Variants in AGO2 observed in about 807,000 individuals in gnomAD.
AGO2 encodes argonaute RISC catalytic component 2, also known as protein argonaute-2.
In AGO2, 5 loss-of-function variants were observed where a neutral mutation model predicts 102.3. The observed-to-expected ratio is 0.05, with a 90% CI of 0.03 to 0.10. The LOEUF (loss-of-function observed/expected upper bound fraction) is 0.10. Among genes scored for constraint, AGO2 ranks in the 10% least tolerant of loss-of-function variants. The pLI is 1.00. For missense variants in AGO2, 541 were observed against 1,183.7 expected (o/e 0.46, Z 7.97); for synonymous variants, 449 against 473.1 (o/e 0.95, Z 0.66).
intron 16 of AGO2, among the ~76,000 whole-genome samples, chr8:140,536,484 G>A (rs1394664601): frequency 2.6e-5 from 4 of 151,758 alleles, no homozygotes; most frequent in East Asian, 1.9e-4. Context: ...GTGCCACCAC[G>A]GCCGGCTAAT....
intron 4 of AGO2, among the ~76,000 whole-genome samples, chr8:140,561,060 T>C (rs2073192717): frequency 6.6e-6 from 1 of 152,118 alleles, no homozygotes; most frequent in African/African-American, 2.4e-5. Context: ...CGCTGTGGGC[T>C]CCCCCGTAGG....
chr8:140,559,753 G>C (rs1028566380), intron 5 of AGO2, among the ~76,000 whole-genome samples: 1 of 152,206 alleles, frequency 6.6e-6, no homozygotes, highest in Non-Finnish European at 1.5e-5. Flanking sequence ...TGACAGAAAG[G>C]AGCTGGCTGA....
intron 2 of AGO2, 99 bp downstream of exon 2, chr8:140,585,020 C>G: frequency 8.1e-7 from 1 of 1,234,582 alleles, no homozygotes; most frequent in Non-Finnish European, 1.1e-6. Context: ...TGGAAAAAAC[C>G]CAGATGGATC....
chr8:140,544,332 C>T (rs769873367), intron 13 of AGO2, 29 bp from the exon 14 acceptor site: 71 of 1,579,648 alleles, frequency 4.5e-5, no homozygotes, highest in Admixed American at 1.6e-4. Context: ...TCAGGGGCCA[C>T]GGTGAGACAC....
At chr8:140,551,540 T>G (rs1170071804) in intron 10 of AGO2, 104 bp from the exon 11 acceptor site, 1 of 1,301,240 alleles carries the variant, frequency 7.7e-7, no homozygotes, top group African/African-American at 1.5e-5. Context: ...CAACAACTGC[T>G]TCTCAGGGAA....
chr8:140,564,143 A>G (rs916803008), intron 3 of AGO2, among the ~76,000 whole-genome samples: 1 of 152,228 alleles, frequency 6.6e-6, no homozygotes, highest in Non-Finnish European at 1.5e-5. Flanking sequence ...CAAACATCGA[A>G]TAGCAAGAAA....
chr8:140,614,623 G>A lies in AGO2; in HGVS notation c.22+20862C>T, dbSNP rs1031952213. ...CCACACTCTACTAAGGCGTCCTTCCGGGCCTGGGGTCCAACAACCAGACCA... is the reference window on the plus strand; with the variant it reads ...CCACACTCTACTAAGGCGTCCTTCCAGGCCTGGGGTCCAACAACCAGACCA... On this transcript the variant is annotated intron_variant, in intron 1 of 18. Transcript: ENST00000220592. Among the ~76,000 whole-genome samples, 10 of 152,170 alleles carry A rather than the reference G, an allele frequency of 6.6e-5. No individual in the cohort carries two copies. The East Asian group carries it at 1.5e-3, about 23-fold the overall frequency.
rs2073308666 is a variant in AGO2, at chr8:140,567,625, G to T, written c.337-4991C>A. On this transcript the variant is annotated intron_variant, in intron 3 of 18. Coordinates refer to ENST00000220592, the MANE Select transcript of AGO2 (RefSeq NM_012154.5). This position sits in a 1 kb window ranked among gnomAD's most constrained non-coding sequence, Gnocchi z 5.0. ...GCCCAACTGCCATTTTCTGAACATG[G>T]ATAATAGAAAATGTCAGCCCAGGAC... is the stretch of plus-strand genomic sequence containing the variant. Among the ~76,000 whole-genome samples, 1 of 152,214 alleles carries T rather than the reference G, an allele frequency of 6.6e-6. No homozygotes were observed. Among genetic ancestry groups the T allele is most frequent in the Admixed American group, 6.5e-5 (1 of 15,280 alleles).
At position 140,530,432 on chromosome 8, in the gene AGO2, G is replaced by T. The variant is rs776320297; in HGVS notation, c.*1612C>A. On this transcript the variant is annotated 3_prime_UTR_variant, in exon 19 of 19. Transcript: ENST00000220592. ...AGCAGGAAGAGGGGACCTACGGAGC[G>T]CACAGCAGCACTAGGGGAGGCTCGC... 1 of 152,452 alleles carries T rather than the reference G, an allele frequency of 6.6e-6. No individual in the cohort carries two copies. Among genetic ancestry groups the T allele is most frequent in the Admixed American group, 6.5e-5 (1 of 15,296 alleles). The allele number at this position is 152,452 out of a possible 1,614,324, so 9.4% of individuals were successfully genotyped here.
intron 5 of AGO2, 53 bp from the exon 6 acceptor site, chr8:140,559,582 C>T (rs375456667): frequency 6.2e-5 from 100 of 1,607,138 alleles, no homozygotes; most frequent in South Asian, 5.3e-4. Flanking sequence ...GGCTGCTGGA[C>T]GGGCCCATAG....
chr8:140,605,308 G>A (rs2073983598), intron 1 of AGO2, among the ~76,000 whole-genome samples: 2 of 152,280 alleles, frequency 1.3e-5, no homozygotes, highest in Non-Finnish European at 1.5e-5. Flanking sequence ...TGTTGCCCAG[G>A]CTGGACTTGA....
chr8:140,607,479 TATATATATATATATATATATA>T (rs1355930277), intron 1 of AGO2, among the ~76,000 whole-genome samples: 1 of 22,660 alleles, frequency 4.4e-5, no homozygotes, highest in African/African-American at 2.5e-4. Flanking sequence ...TATATATATA[TATATATATATATATATATATA>T]TATATATATA....
Position 140,542,111 on chromosome 8 carries a change from G to A in AGO2, c.1840-753C>T, listed in dbSNP as rs571980713. Among the ~76,000 whole-genome samples the A allele has an allele frequency of 1.6e-4, 24 of 152,284 alleles. No homozygotes were observed. The South Asian group carries it at 2.3e-3, about 14-fold the overall frequency. On this transcript the variant is annotated intron_variant, in intron 14 of 18. Transcript: ENST00000220592. ...GAAGGTGCCAGCCATGAAGAGGGCA[G>A]ACAGAGAGAGCCTAGCACGGCTCTG... is the stretch of plus-strand genomic sequence containing the variant.
Position 140,539,294 on chromosome 8 carries a change from C to T in AGO2, c.2169+26G>A, listed in dbSNP as rs1462000001. 4 of 1,583,678 alleles carry T rather than the reference C, an allele frequency of 2.5e-6. No individual in the cohort carries two copies. Among genetic ancestry groups the T allele is most frequent in the Admixed American group, 1.8e-5 (1 of 56,846 alleles). On this transcript the variant is annotated intron_variant, in intron 16 of 18. Coordinates refer to ENST00000220592, the MANE Select transcript of AGO2 (RefSeq NM_012154.5). The surrounding 1 kb of genome is among the most constrained non-coding windows in gnomAD (Gnocchi z 4.7). ...GGGGCTGAGGGGAGAACCGTGCCCC[C>T]TGCCTGGAGTCATGCAGAAACTCAC...
Position 140,568,103 on chromosome 8 carries a change from CAAAAAAAAAA to C in AGO2, c.336+4699_336+4708del, listed in dbSNP as rs553804959. Among the ~76,000 whole-genome samples the C allele has an allele frequency of 4.0e-3, 438 of 110,652 alleles. 5 individuals carry two copies. Among genetic ancestry groups the C allele is most frequent in the African/African-American group, 0.015 (423 of 27,950 alleles). The allele number at this position is 110,652 out of a possible 152,430, so 72.6% of individuals were successfully genotyped here. A position where few individuals can be genotyped will look rare whatever the true frequency, so the allele number is the denominator to read the frequency against. On this transcript the variant is annotated intron_variant, in intron 3 of 18. Coordinates refer to ENST00000220592, the MANE Select transcript of AGO2 (RefSeq NM_012154.5). ...TAAAACCCCGTCTCTACTAAAAATA[CAAAAAAAAAA>C]AAAAAAAAAAAGAAAAGAAAATTAG...
intron 10 of AGO2, among the ~76,000 whole-genome samples, chr8:140,554,744 T>C (rs1486892014): frequency 6.6e-6 from 1 of 152,162 alleles, no homozygotes; most frequent in Non-Finnish European, 1.5e-5. Flanking sequence ...CAGGCTTGAG[T>C]GCAGTGGTGT....
rs142977065 is a variant in AGO2 at position 140,544,249 on chromosome 8, G to C, written c.1803C>G (p.Pro601=). 93 of 1,597,670 alleles carry C rather than the reference G, an allele frequency of 5.8e-5. No homozygotes were observed. The highest frequency in any genetic ancestry group is 1.7e-4 in the Middle Eastern group (1 of 6,012). The part of the protein sequence containing the change: ...VIFLGADVTH[P]PAGDGKKPSI... ...AGGGCTTCTTCCCATCCCCGGCGGG[G>C]GGGTGAGTGACGTCTGCTCCCAGAA... is the stretch of plus-strand genomic sequence containing the variant. Residue 601 remains proline (P), a synonymous_variant, in exon 14 of 19, where the codon CCC becomes CCG. Transcript: ENST00000220592.
At position 140,555,879 on chromosome 8, in the gene AGO2, C is replaced by T. The variant is rs142182265; in HGVS notation, c.1269+17G>A. 996 of 1,609,616 alleles carry T rather than the reference C, an allele frequency of 6.2e-4. 5 individuals are homozygous for T. The African/African-American group carries it at 0.011, about 18-fold the overall frequency. ...ACATGCCCCGCAGCCACACGTTCCC[C>T]GCCGCCCCACACGTACCCTGCCCCC... On this transcript the variant is annotated intron_variant, in intron 10 of 18. Coordinates refer to ENST00000220592, the MANE Select transcript of AGO2 (RefSeq NM_012154.5).
chr8:140,638,556 C>G (rs2074423979), upstream of AGO2, among the ~76,000 whole-genome samples: 1 of 152,200 alleles, frequency 6.6e-6, no homozygotes, highest in Admixed American at 6.5e-5. Context: ...CTTCTATGAT[C>G]CCTTCCAGCT....
Sources: gnomAD v4.1 joint callset for allele counts (sites outside exome capture counted in the v4.1 genomes callset) on GRCh38, gnomAD v4.1.1 for gene constraint, Gnocchi (gnomAD v3.1) non-coding constraint, MANE v1.5 for transcripts, NCBI Gene and HGNC (gene_info 2026-07-23, HGNC 2026-07-21) for gene names.